UQCC6: variants seen among roughly 807,000 people sequenced by gnomAD.
The protein encoded by UQCC6 is ubiquinol-cytochrome c reductase complex assembly factor 6, also known as protein BRAWNIN.
chr12:103,952,191 A>G, the UQCC6 span, among the ~76,000 whole-genome samples: 2 of 152,124 alleles, frequency 1.3e-5, no homozygotes, highest in African/African-American at 2.4e-5. Context: ...TTTCATTTCC[A>G]TACAACCCTC....
chr12:103,963,270 T>C, the UQCC6 span, among the ~76,000 whole-genome samples: 1 of 152,266 alleles, frequency 6.6e-6, no homozygotes, highest in African/African-American at 2.4e-5. Flanking sequence ...GAGACGGGGT[T>C]TCACCATGCT....
At chr12:103,961,865 C>T in the UQCC6 span, among the ~76,000 whole-genome samples, 3 of 152,260 alleles carry the variant, frequency 2.0e-5, no homozygotes, top group African/African-American at 7.2e-5. Context: ...GGGCCTAATA[C>T]TGTATTTTTA....
chr12:103,952,402 A>C, the UQCC6 span, among the ~76,000 whole-genome samples: 1 of 152,286 alleles, frequency 6.6e-6, no homozygotes, highest in East Asian at 1.9e-4. Flanking sequence ...CATTGTATGG[A>C]TATACAATTT....
the UQCC6 span, among the ~76,000 whole-genome samples, chr12:103,959,938 A>AT: frequency 1.2e-4 from 17 of 147,318 alleles, no homozygotes; most frequent in South Asian, 6.6e-4. Context: ...TGCCCAGCTA[A>AT]TTTTTTTTGT....
chr12:103,956,829 G>A, the UQCC6 span: 1 of 864,020 alleles, frequency 1.2e-6, no homozygotes, highest in Non-Finnish European at 1.9e-6. Flanking sequence ...TCCAGCCAGC[G>A]CTGGACACGA....
chr12:103,960,721 C>T, the UQCC6 span, among the ~76,000 whole-genome samples: 1 of 152,106 alleles, frequency 6.6e-6, no homozygotes, highest in African/African-American at 2.4e-5. Flanking sequence ...CGACAGGTGG[C>T]CCCATAAGAT....
chr12:103,956,496 T>C, the UQCC6 span: 2 of 639,370 alleles, frequency 3.1e-6, no homozygotes, highest in Non-Finnish European at 5.6e-6. Flanking sequence ...TCAAGATCAC[T>C]TTTGCTGCCA....
chr12:103,959,197 T>C, the UQCC6 span, among the ~76,000 whole-genome samples: 1 of 152,234 alleles, frequency 6.6e-6, no homozygotes, highest in Non-Finnish European at 1.5e-5. Context: ...AGGTGGTCCA[T>C]TCTTACTCTT....
the UQCC6 span, chr12:103,956,695 G>A: frequency 1.3e-6 from 2 of 1,551,746 alleles, no homozygotes; most frequent in Non-Finnish European, 1.7e-6. Flanking sequence ...GAGACTGGCT[G>A]CGAACATTTT....
At chr12:103,960,009 A>G in the UQCC6 span, among the ~76,000 whole-genome samples, 1 of 151,850 alleles carries the variant, frequency 6.6e-6, no homozygotes, top group African/African-American at 2.4e-5. Context: ...TCCTGACCAC[A>G]GGTGATCCGC....
chr12:103,954,773 G>C, the UQCC6 span: 1 of 565,106 alleles, frequency 1.8e-6, no homozygotes, highest in South Asian at 2.4e-5. Context: ...GAGGTTATAA[G>C]AGGGGGGATT....
the UQCC6 span, among the ~76,000 whole-genome samples, chr12:103,952,690 GT>G: frequency 1.3e-5 from 2 of 152,152 alleles, no homozygotes; most frequent in Non-Finnish European, 2.9e-5. Context: ...GTTACTCTCT[GT>G]TTTACTACAG....
chr12:103,957,998 AATAT>A, the UQCC6 span, among the ~76,000 whole-genome samples: 2 of 140,536 alleles, frequency 1.4e-5, no homozygotes, highest in Admixed American at 7.3e-5. Context: ...ATATATTTAT[AATAT>A]ATATTTATTT....
the UQCC6 span, among the ~76,000 whole-genome samples, chr12:103,962,711 A>C: frequency 3.9e-5 from 6 of 152,356 alleles, no homozygotes; most frequent in South Asian, 1.2e-3. Context: ...TTTGCATATA[A>C]TTAGAAGTGG....
the UQCC6 span, among the ~76,000 whole-genome samples, chr12:103,951,923 C>T: frequency 6.6e-6 from 1 of 152,168 alleles, no homozygotes; most frequent in Admixed American, 6.5e-5. Context: ...TAAAACTTTC[C>T]ACATCTGGAA....
the UQCC6 span, chr12:103,953,566 C>G: frequency 1.4e-6 from 1 of 702,364 alleles, no homozygotes; most frequent in Admixed American, 2.0e-5. Context: ...ACAACAGTGA[C>G]AGTAATTGCT....
the UQCC6 span, among the ~76,000 whole-genome samples, chr12:103,964,469 C>A: frequency 0.064 from 9,785 of 152,170 alleles, 394 homozygotes; most frequent in Non-Finnish European, 0.09. Context: ...GGACCCTGGT[C>A]TCTTGAGGTT....
At chr12:103,957,663 G>A in the UQCC6 span, among the ~76,000 whole-genome samples, 1 of 152,028 alleles carries the variant, frequency 6.6e-6, no homozygotes, top group Non-Finnish European at 1.5e-5. Context: ...GGTGCTACTG[G>A]GAAAGGGGAA....
chr12:103,956,964 A>C, the UQCC6 span: 3 of 531,270 alleles, frequency 5.6e-6, no homozygotes, highest in Non-Finnish European at 1.0e-5. Context: ...GCCCAGCCCC[A>C]ATCGTTTATC....
Sources: allele counts gnomAD v4.1 joint callset (sites outside exome capture counted in the v4.1 genomes callset), GRCh38; gene constraint gnomAD v4.1.1; transcripts MANE v1.5; gene names NCBI Gene and HGNC (gene_info 2026-07-23, HGNC 2026-07-21).